Variants in LIPK observed in about 807,000 individuals in gnomAD.
LIPK encodes the protein lipase family member K.
In LIPK, 32 loss-of-function variants were observed where a neutral mutation model predicts 48.6. That is an observed-to-expected ratio of 0.66 (90% CI 0.50 to 0.88). LIPK has a LOEUF of 0.88. Among genes scored for constraint, LIPK ranks in the 40% least tolerant of loss-of-function variants. LIPK has a pLI of 0.00. For synonymous variants in LIPK, 164 were observed against 157.4 expected (o/e 1.04, Z -0.32); for missense variants, 507 against 478.5 (o/e 1.06, Z -0.56).
chr10:88,733,513 T>C (rs1320410127), intron 6 of LIPK, among the ~76,000 whole-genome samples: 1 of 152,206 alleles, frequency 6.6e-6, no homozygotes, highest in East Asian at 1.9e-4. Flanking sequence ...TTCATATCTA[T>C]ACATCCCAGA....
At chr10:88,726,590 A>C (rs1487722974) in intron 2 of LIPK, among the ~76,000 whole-genome samples, 1 of 152,198 alleles carries the variant, frequency 6.6e-6, no homozygotes, top group Non-Finnish European at 1.5e-5. Flanking sequence ...GCTACTTGGA[A>C]GACTGAGGTG....
intron 8 of LIPK, among the ~76,000 whole-genome samples, chr10:88,741,183 A>C (rs1273343967): frequency 6.6e-6 from 1 of 152,272 alleles, no homozygotes; most frequent in South Asian, 2.1e-4. Flanking sequence ...CCCACTCTAC[A>C]AATGTCATAG....
chr10:88,714,945 AACTC>A (rs1842089850), intron 1 of LIPK, among the ~76,000 whole-genome samples: 2 of 151,996 alleles, frequency 1.3e-5, no homozygotes, highest in African/African-American at 4.8e-5. Context: ...TTATGGTAGA[AACTC>A]AGATAATTGA....
intron 4 of LIPK, among the ~76,000 whole-genome samples, chr10:88,731,619 G>A (rs1432944218): frequency 1.3e-5 from 2 of 152,212 alleles, no homozygotes; most frequent in East Asian, 1.9e-4. Flanking sequence ...CCTTGGCCTC[G>A]TTGCCTGCCT....
chr10:88,726,762 CA>C, intron 2 of LIPK, 32 bp from the exon 3 acceptor site: 1 of 981,780 alleles, frequency 1.0e-6, no homozygotes, highest in Non-Finnish European at 1.6e-6. Flanking sequence ...GAGATTATAA[CA>C]TGAAGGTATA....
chr10:88,746,178 G>A (rs1435969056), intron 9 of LIPK, among the ~76,000 whole-genome samples: 3 of 152,058 alleles, frequency 2.0e-5, no homozygotes, highest in South Asian at 4.1e-4. Flanking sequence ...CAACAATAGT[G>A]GGAGACTTCA....
intron 1 of LIPK, among the ~76,000 whole-genome samples, chr10:88,720,331 A>G (rs1392039584): frequency 2.0e-5 from 3 of 152,148 alleles, no homozygotes; most frequent in African/African-American, 7.2e-5. Context: ...TAATTCATGG[A>G]CACAAAGAGG....
At position 88,726,773 on chromosome 10, in the gene LIPK, A is replaced by G. The variant is rs553879659; in HGVS notation, c.106-22A>G. 47 of 1,093,916 alleles carry G rather than the reference A, an allele frequency of 4.3e-5. No homozygotes were observed. In the East Asian group the frequency reaches 5.5e-4, roughly 13 times the overall value. The allele number at this position is 1,093,916 out of a possible 1,614,324, so 67.8% of individuals were successfully genotyped here. On this transcript the variant is annotated intron_variant, in intron 2 of 9. Coordinates refer to ENST00000404190, the MANE Select transcript of LIPK (RefSeq NM_001080518.2). ...TTAAGAGATTATAACATGAAGGTAT[A>G]TATTTCCTTTCCTCTTTTTAGAGCC... is the stretch of plus-strand genomic sequence containing the variant.
intron 9 of LIPK, among the ~76,000 whole-genome samples, chr10:88,749,566 A>T (rs1247684878): frequency 1.3e-5 from 2 of 152,226 alleles, no homozygotes; most frequent in East Asian, 3.8e-4. Context: ...CCATATGCAG[A>T]AGATTGAAAC....
chr10:88,740,830 G>A (rs903275446), intron 8 of LIPK, among the ~76,000 whole-genome samples: 3 of 151,970 alleles, frequency 2.0e-5, no homozygotes, highest in Non-Finnish European at 4.4e-5. Flanking sequence ...CCAGGAATTT[G>A]CATTTTAATA....
intron 3 of LIPK, among the ~76,000 whole-genome samples, chr10:88,729,373 C>T (rs1024930818): frequency 6.6e-6 from 1 of 151,774 alleles, no homozygotes; most frequent in African/African-American, 2.4e-5. Flanking sequence ...TTCTCAATAT[C>T]AGAAAGACTA....
intron 1 of LIPK, among the ~76,000 whole-genome samples, chr10:88,715,204 A>T (rs1842093939): frequency 6.6e-6 from 1 of 152,016 alleles, no homozygotes. Context: ...TTTCTGTCTA[A>T]TTTTTCTGCC....
chr10:88,746,140 G>A (rs2790695), intron 9 of LIPK, among the ~76,000 whole-genome samples: 36,429 of 151,924 alleles, frequency 0.24, 4,526 homozygotes, highest in East Asian at 0.37. Flanking sequence ...AGTCCTTAGA[G>A]ACCTACAAAG....
chr10:88,746,616 G>T lies in LIPK; in HGVS notation c.960+3295G>T, dbSNP rs888432614. Among the ~76,000 whole-genome samples, 5 of 152,210 alleles carry T rather than the reference G, an allele frequency of 3.3e-5. No homozygotes were observed. The South Asian group carries it at 8.3e-4, about 25-fold the overall frequency. ...CCAGAATCTCTGGGACACAGCTAAA[G>T]GAGTGTTAAGAGGAAAGCTTATAGT... On this transcript the variant is annotated intron_variant, in intron 9 of 9. Coordinates refer to ENST00000404190, the MANE Select transcript of LIPK (RefSeq NM_001080518.2).
chr10:88,722,222 A>G (rs1349131850), intron 1 of LIPK, among the ~76,000 whole-genome samples: 1 of 152,178 alleles, frequency 6.6e-6, no homozygotes, highest in African/African-American at 2.4e-5. Context: ...TTGAACCCAG[A>G]AGACAGATGT....
At chr10:88,743,152 TG>T in intron 8 of LIPK, 97 bp from the exon 9 acceptor site, 3 of 674,086 alleles carry the variant, frequency 4.5e-6, no homozygotes, top group Non-Finnish European at 7.6e-6. Context: ...TTCTAAAGAC[TG>T]GGGCATAATG....
intron 9 of LIPK, among the ~76,000 whole-genome samples, chr10:88,746,859 T>C (rs1842774853): frequency 6.6e-6 from 1 of 152,114 alleles, no homozygotes; most frequent in Non-Finnish European, 1.5e-5. Context: ...ATAAAATTGA[T>C]AGACTGCTAG....
At chr10:88,744,977 A>T (rs905614244) in intron 9 of LIPK, among the ~76,000 whole-genome samples, 1 of 152,370 alleles carries the variant, frequency 6.6e-6, no homozygotes, top group Non-Finnish European at 1.5e-5. Context: ...TAAGAATTTC[A>T]TAATATAACC....
intron 3 of LIPK, among the ~76,000 whole-genome samples, chr10:88,727,179 T>C (rs1397679955): frequency 6.6e-6 from 1 of 152,220 alleles, no homozygotes; most frequent in African/African-American, 2.4e-5. Context: ...GTTCTTACCC[T>C]AGTGATACCT....
Sources: gnomAD v4.1 joint callset for allele counts (sites outside exome capture counted in the v4.1 genomes callset) on GRCh38, gnomAD v4.1.1 for gene constraint, MANE v1.5 for transcripts, NCBI Gene and HGNC (gene_info 2026-07-23, HGNC 2026-07-21) for gene names.